KCNH5: variants seen among roughly 807,000 people sequenced by gnomAD.
KCNH5 encodes the protein potassium voltage-gated channel subfamily H member 5, also known as voltage-gated delayed rectifier potassium channel KCNH5.
KCNH5 carries 46 observed loss-of-function variants against 96.1 expected under a neutral mutation model. The observed-to-expected ratio is 0.48, with a 90% CI of 0.38 to 0.61. The LOEUF (loss-of-function observed/expected upper bound fraction) is 0.61, where lower values mean the gene tolerates loss of function less well. Among genes scored for constraint, KCNH5 ranks in the 20% least tolerant of loss-of-function variants. KCNH5 has a pLI of 0.00. For synonymous variants in KCNH5, 439 were observed against 449.8 expected, an observed-to-expected ratio of 0.98 and a Z score of 0.30; for missense variants, 907 against 1,225.8, an observed-to-expected ratio of 0.74 and a Z score of 3.88.
intron 2 of KCNH5, among the ~76,000 whole-genome samples, chr14:63,009,439 A>G (rs73278566): frequency 2.4e-4 from 37 of 152,316 alleles, no homozygotes; most frequent in African/African-American, 8.9e-4. Context: ...CACTTAAGAA[A>G]AATAATCCTA....
At position 62,950,214 on chromosome 14, in the gene KCNH5, G is replaced by T; in HGVS notation, c.1288C>A (p.Leu430Ile). Reference protein sequence around the residue: ...VSSLYFTMTSLTTIGFGNIAP... With the variant: ...VSSLYFTMTSITTIGFGNIAP... ...ATGTTTCCAAATCCTATGGTTGTAA[G>T]GCTTGTCATGGTAAAGTAGAGAGAG... is the stretch of plus-strand genomic sequence containing the variant. The change falls in exon 7 of 11, where the codon CTT becomes ATT. Residue 430 changes from leucine to isoleucine, a missense_variant. Physicochemically the swap from Leu to Ile is conservative, Grantham distance 5 (BLOSUM62 2). Transcript: ENST00000322893. 6.2e-7 allele frequency: 1 copy of T among 1,613,836 alleles called. No individual in the cohort carries two copies.
Position 62,702,620 on chromosome 14 carries a change from C to G in KCNH5, c.*4888G>C, listed in dbSNP as rs972201035. ...ATAGTGAGACCTTGGTAAATATAAG[C>G]TTAGTTAACTTATTTAACTTCTAAG... On this transcript the variant is annotated 3_prime_UTR_variant, in exon 11 of 11. Coordinates refer to ENST00000322893, the MANE Select transcript of KCNH5 (RefSeq NM_139318.5). 2 of 151,880 alleles carry G rather than the reference C, an allele frequency of 1.3e-5. No homozygotes were observed. Among genetic ancestry groups the G allele is most frequent in the Non-Finnish European group, 1.5e-5 (1 of 67,854 alleles). 9.4% of individuals were successfully genotyped at this position (151,880 alleles called of 1,614,324 possible).
intron 7 of KCNH5, among the ~76,000 whole-genome samples, chr14:62,894,551 C>T (rs1415684443): frequency 6.6e-6 from 1 of 152,212 alleles, no homozygotes; most frequent in African/African-American, 2.4e-5. Flanking sequence ...CAGAAAATTA[C>T]TATATCTTTA....
At chr14:62,822,837 ATTTAATCC>A (rs1451969211) in intron 8 of KCNH5, among the ~76,000 whole-genome samples, 9 of 152,190 alleles carry the variant, frequency 5.9e-5, no homozygotes, top group Middle Eastern at 6.8e-3. Flanking sequence ...AACACCAAAA[ATTTAATCC>A]TTTAAAAAAC....
chr14:62,762,970 AT>A (rs1318103774), intron 10 of KCNH5, among the ~76,000 whole-genome samples: 1 of 152,176 alleles, frequency 6.6e-6, no homozygotes, highest in Non-Finnish European at 1.5e-5. Flanking sequence ...CACTGATGGT[AT>A]TAGACAGATA....
chr14:62,809,632 C>T (rs982403752), intron 8 of KCNH5, among the ~76,000 whole-genome samples: 3 of 152,080 alleles, frequency 2.0e-5, no homozygotes, highest in Non-Finnish European at 4.4e-5. Context: ...AGAGTTCTAT[C>T]AAAGCCAATT....
chr14:63,045,290 C>CGCCCAA lies in KCNH5; in HGVS notation c.-105_-104insTTGGGC. 1.1e-6 allele frequency: 1 copy of CGCCCAA among 951,152 alleles called. No homozygotes were observed. 58.9% of individuals were successfully genotyped at this position (951,152 alleles called of 1,614,324 possible). The stretch of plus-strand genomic sequence containing the variant: ...GAAAAGGTGGAAGAGAAGATTGAGC[C>CGCCCAA]GAAAGAAGAGGGGGCGCGGCGGCGG... On this transcript the variant is annotated 5_prime_UTR_variant, in exon 1 of 11. Coordinates refer to ENST00000322893, the MANE Select transcript of KCNH5 (RefSeq NM_139318.5).
chr14:62,888,890 C>A (rs1343773111), intron 7 of KCNH5, among the ~76,000 whole-genome samples: 1 of 152,178 alleles, frequency 6.6e-6, no homozygotes, highest in Non-Finnish European at 1.5e-5. Context: ...CTTATCTAAG[C>A]ATTTACTGAA....
At chr14:62,853,623 C>G (rs944227457) in intron 7 of KCNH5, among the ~76,000 whole-genome samples, 1 of 151,502 alleles carries the variant, frequency 6.6e-6, no homozygotes, top group Non-Finnish European at 1.5e-5. Flanking sequence ...CTAACTCATT[C>G]TTCAGAGCCC....
chr14:62,804,985 A>C (rs1388425319), intron 8 of KCNH5, among the ~76,000 whole-genome samples: 2 of 152,214 alleles, frequency 1.3e-5, no homozygotes, highest in African/African-American at 4.8e-5. Flanking sequence ...AATTAAGAAA[A>C]TATTTCAGCA....
chr14:62,746,206 A>G (rs1885372039), intron 10 of KCNH5, among the ~76,000 whole-genome samples: 1 of 152,218 alleles, frequency 6.6e-6, no homozygotes, highest in South Asian at 2.1e-4. Context: ...TCCTAGAAAT[A>G]TTATTTATGT....
intron 6 of KCNH5, 131 bp from the exon 7 acceptor site, chr14:62,950,690 G>A: frequency 3.2e-6 from 2 of 619,570 alleles, no homozygotes; most frequent in Non-Finnish European, 4.8e-6. Context: ...TATATTATAG[G>A]TCTGATTTTA....
chr14:62,764,642 C>G (rs1885821016), intron 10 of KCNH5, among the ~76,000 whole-genome samples: 1 of 152,150 alleles, frequency 6.6e-6, no homozygotes, highest in Non-Finnish European at 1.5e-5. Flanking sequence ...CCAAAGTCTC[C>G]TAAAACTGAT....
intron 10 of KCNH5, among the ~76,000 whole-genome samples, chr14:62,709,065 C>T (rs1195274314): frequency 6.6e-6 from 1 of 151,226 alleles, no homozygotes; most frequent in African/African-American, 2.4e-5. Flanking sequence ...AACCCCGTCT[C>T]TACTAAAAAT....
intron 1 of KCNH5, among the ~76,000 whole-genome samples, chr14:63,029,164 G>A (rs922914956): frequency 6.6e-6 from 1 of 152,156 alleles, no homozygotes; most frequent in Non-Finnish European, 1.5e-5. Flanking sequence ...CCGTAGTTGA[G>A]TAAAGCAGAC....
At chr14:62,938,920 A>G (rs757385830) in intron 7 of KCNH5, among the ~76,000 whole-genome samples, 1 of 152,252 alleles carries the variant, frequency 6.6e-6, no homozygotes, top group African/African-American at 2.4e-5. Flanking sequence ...TAATCGAACA[A>G]GTATATTTTG....
intron 5 of KCNH5, among the ~76,000 whole-genome samples, chr14:62,985,918 T>C (rs1208446547): frequency 6.6e-6 from 1 of 152,196 alleles, no homozygotes; most frequent in Non-Finnish European, 1.5e-5. Context: ...CTTACATTCG[T>C]CATTTTATTA....
chr14:63,006,288 AT>A, intron 3 of KCNH5, 77 bp downstream of exon 3: 1 of 845,552 alleles, frequency 1.2e-6, no homozygotes, highest in Middle Eastern at 3.6e-4. Flanking sequence ...TGCTCTCTAC[AT>A]TTTAGCTCCA....
At chr14:62,841,583 A>T (rs1225158703) in intron 8 of KCNH5, among the ~76,000 whole-genome samples, 1 of 152,244 alleles carries the variant, frequency 6.6e-6, no homozygotes, top group African/African-American at 2.4e-5. Flanking sequence ...TTCTATTTTC[A>T]TCTATGCTTA....
Sources: allele counts gnomAD v4.1 joint callset (sites outside exome capture counted in the v4.1 genomes callset), GRCh38; gene constraint gnomAD v4.1.1; transcripts MANE v1.5; gene names NCBI Gene and HGNC (gene_info 2026-07-23, HGNC 2026-07-21).